NPAT: variants seen among roughly 807,000 people sequenced by gnomAD.
NPAT encodes nuclear protein, coactivator of histone transcription.
In NPAT, 52 loss-of-function variants were observed where a neutral mutation model predicts 130.7. The observed-to-expected ratio is 0.40, with a 90% CI of 0.32 to 0.50. The LOEUF is 0.50. NPAT is among the 20% of genes least tolerant of loss of function. The pLI, the probability that NPAT is intolerant of heterozygous loss-of-function variation, is 0.68. For missense variants in NPAT, 1,687 were observed against 1,662.6 expected (o/e 1.01, Z -0.26); for synonymous variants, 580 against 584.8 (o/e 0.99, Z 0.12).
In NPAT at chr11:108,161,089, G is replaced by A. The variant is rs898591830; in HGVS notation, c.3997C>T (p.His1333Tyr). 2 of 1,614,076 alleles carry A rather than the reference G, an allele frequency of 1.2e-6. No individual in the cohort carries two copies. Among genetic ancestry groups the A allele is most frequent in the Non-Finnish European group, 8.5e-7 (1 of 1,180,018 alleles). The change falls in exon 17 of 18, where the codon CAC becomes TAC. Residue 1333 changes from histidine to tyrosine, a missense_variant. His to Tyr is a moderately conservative substitution (Grantham distance 83, BLOSUM62 2). Coordinates refer to ENST00000278612, the MANE Select transcript of NPAT (RefSeq NM_002519.3). ...GSENSVNMAA[H>Y]TLMILSRAAI... ...GCCCTGGAGAGAATCATTAATGTGT[G>A]GGCAGCCATATTTACACTGTTTTCA...
At chr11:108,213,773 C>A (rs1487252480) in intron 1 of NPAT, among the ~76,000 whole-genome samples, 4 of 152,156 alleles carry the variant, frequency 2.6e-5, no homozygotes, top group Non-Finnish European at 5.9e-5. Context: ...CTACAGTAAT[C>A]CAGACGATGT....
intron 1 of NPAT, among the ~76,000 whole-genome samples, chr11:108,207,850 C>T (rs1374835916): frequency 6.6e-6 from 1 of 152,230 alleles, no homozygotes; most frequent in Non-Finnish European, 1.5e-5. Flanking sequence ...GCTCCTGCTG[C>T]CCTGTGGAGC....
At chr11:108,193,741 A>G (rs2078193348) in intron 3 of NPAT, among the ~76,000 whole-genome samples, 1 of 152,132 alleles carries the variant, frequency 6.6e-6, no homozygotes, top group Admixed American at 6.6e-5. Context: ...AAACCAAAAA[A>G]ACAAAAAACA....
At chr11:108,212,616 A>C (rs1185436932) in intron 1 of NPAT, among the ~76,000 whole-genome samples, 1 of 151,848 alleles carries the variant, frequency 6.6e-6, no homozygotes, top group Non-Finnish European at 1.5e-5. Flanking sequence ...GAAAATCCTA[A>C]GGAAGCCATA....
chr11:108,184,328 C>T (rs547649709), intron 10 of NPAT, among the ~76,000 whole-genome samples: 193 of 151,338 alleles, frequency 1.3e-3, no homozygotes, highest in Middle Eastern at 6.8e-3. Context: ...AAAAATTAGC[C>T]GGGCATGGTG....
At chr11:108,170,941 TAAC>T (rs758894773) in intron 13 of NPAT, among the ~76,000 whole-genome samples, 22 of 151,900 alleles carry the variant, frequency 1.4e-4, no homozygotes, top group Non-Finnish European at 3.1e-4. Context: ...GTCTATAATG[TAAC>T]AAAAAGGGAA....
chr11:108,171,430 A>C (rs919301069), intron 13 of NPAT: 1 of 151,406 alleles, frequency 6.6e-6, no homozygotes, highest in Non-Finnish European at 1.5e-5. Flanking sequence ...GCCATAAACA[A>C]AGGATTTTAA....
chr11:108,183,883 G>A (rs762307740), intron 10 of NPAT, among the ~76,000 whole-genome samples: 7 of 151,848 alleles, frequency 4.6e-5, no homozygotes, highest in African/African-American at 7.3e-5. Flanking sequence ...TGAGATGGGA[G>A]TATCACTTGA....
At chr11:108,163,363 G>A (rs1050423128) in intron 15 of NPAT, among the ~76,000 whole-genome samples, 3 of 152,188 alleles carry the variant, frequency 2.0e-5, no homozygotes, top group Non-Finnish European at 4.4e-5. Flanking sequence ...TTACAGGAGT[G>A]AGCCACCATG....
intron 12 of NPAT, 87 bp downstream of exon 12, chr11:108,176,159 T>C (rs1240462489): frequency 1.0e-6 from 1 of 1,001,962 alleles, no homozygotes; most frequent in Non-Finnish European, 1.6e-6. Flanking sequence ...GAACAACTTC[T>C]ACTTCCAAAT....
intron 6 of NPAT, 43 bp from the exon 7 acceptor site, chr11:108,188,222 T>C (rs756820037): frequency 8.2e-5 from 116 of 1,412,900 alleles, no homozygotes; most frequent in Admixed American, 1.7e-5. Context: ...AGAAACTGAA[T>C]AGTTTTCTAA....
chr11:108,173,258 G>A lies in NPAT; in HGVS notation c.1726C>T (p.His576Tyr), dbSNP rs2077972120. 6.2e-7 allele frequency: 1 copy of A among 1,611,778 alleles called. No individual in the cohort carries two copies. Among genetic ancestry groups the A allele is most frequent in the Admixed American group, 1.7e-5 (1 of 60,018 alleles). The change falls in exon 13 of 18, where the codon CAC becomes TAC. Residue 576 changes from histidine to tyrosine, a missense_variant. Transcript: ENST00000278612. ...ACATTAATTTCTATTTTACTCTTGT[G>A]AACTTCACTAGAATCTGATGACTTG... Reference protein sequence around the residue: ...GSKSSDSSEVHKSKIEINVLE... With the variant: ...GSKSSDSSEVYKSKIEINVLE...
chr11:108,165,481 T>TGTG (rs1451173385), intron 15 of NPAT, among the ~76,000 whole-genome samples: 2 of 147,516 alleles, frequency 1.4e-5, no homozygotes, highest in African/African-American at 4.9e-5. Context: ...TATTTTTTTT[T>TGTG]TGTGATAGGG....
intron 1 of NPAT, among the ~76,000 whole-genome samples, chr11:108,215,985 A>T (rs1025783972): frequency 6.6e-6 from 1 of 152,246 alleles, no homozygotes; most frequent in African/African-American, 2.4e-5. Context: ...TGTGAAAACT[A>T]GCTGGCTGAA....
chr11:108,186,903 A>G (rs894431616), intron 7 of NPAT, among the ~76,000 whole-genome samples: 7 of 152,090 alleles, frequency 4.6e-5, no homozygotes, highest in African/African-American at 1.4e-4. Flanking sequence ...AAGGTCAACT[A>G]TATTTTCTCT....
chr11:108,207,491 C>G (rs1424984158), intron 1 of NPAT, among the ~76,000 whole-genome samples: 3 of 152,218 alleles, frequency 2.0e-5, no homozygotes, highest in African/African-American at 7.2e-5. Context: ...CCGAGTTGCC[C>G]TCAGCCTCAC....
At position 108,168,757 on chromosome 11, in the gene NPAT, A is replaced by T. The variant is rs377628177; in HGVS notation, c.3010+987T>A. Among the ~76,000 whole-genome samples the T allele has an allele frequency of 3.2e-4, 48 of 152,318 alleles. 2 individuals are homozygous for T. Among genetic ancestry groups the T allele is most frequent in the African/African-American group, 1.1e-3 (46 of 41,586 alleles). On this transcript the variant is annotated intron_variant, in intron 15 of 17. Coordinates refer to ENST00000278612, the MANE Select transcript of NPAT (RefSeq NM_002519.3). ...GGTAAGAGTTGGGTAAGAAGGGGGA[A>T]TTCTAGGTAGAAGAGATAGCATTGG...
At chr11:108,163,169 TC>T (rs200036153) in intron 15 of NPAT, among the ~76,000 whole-genome samples, 1,667 of 152,220 alleles carry the variant, frequency 0.011, 36 homozygotes, top group African/African-American at 0.038. Flanking sequence ...AACCTCCACC[TC>T]CTGGGTTCAA....
chr11:108,186,604 C>A, intron 7 of NPAT, 35 bp from the exon 8 acceptor site: 1 of 1,495,860 alleles, frequency 6.7e-7, no homozygotes, highest in Non-Finnish European at 9.3e-7. Flanking sequence ...CTTTTAACCA[C>A]TATATTTAAC....
Sources: gnomAD v4.1 joint callset for allele counts (sites outside exome capture counted in the v4.1 genomes callset) on GRCh38, gnomAD v4.1.1 for gene constraint, MANE v1.5 for transcripts, NCBI Gene and HGNC (gene_info 2026-07-23, HGNC 2026-07-21) for gene names.